The following COL19A1 variants were observed in gnomAD, a reference collection of about 807,000 sequenced individuals.
The protein encoded by COL19A1 is collagen alpha-1(XIX) chain.
Under a neutral mutation model 190.2 loss-of-function variants are expected in COL19A1, and 159 were observed. The ratio of observed to expected loss-of-function variants is 0.84; its 90% confidence interval spans 0.73 to 0.95. The LOEUF (loss-of-function observed/expected upper bound fraction) is 0.95. COL19A1 is among the 40% of genes least tolerant of loss of function. COL19A1 has a pLI of 0.00. For synonymous variants in COL19A1, 509 were observed against 458.9 expected (o/e 1.11, Z -1.39); for missense variants, 1,418 against 1,431.9 (o/e 0.99, Z 0.16).
chr6:70,134,450 A>C (rs1383148697), intron 18 of COL19A1, among the ~76,000 whole-genome samples: 6 of 152,224 alleles, frequency 3.9e-5, no homozygotes, highest in Admixed American at 6.5e-5. Context: ...AATTTGATGG[A>C]TATTGCTTCA....
intron 15 of COL19A1, among the ~76,000 whole-genome samples, chr6:70,069,090 T>C (rs1288183704): frequency 6.6e-6 from 1 of 152,084 alleles, no homozygotes. Context: ...CTGTTATTAT[T>C]ATCATTTTCA....
intron 15 of COL19A1, among the ~76,000 whole-genome samples, chr6:70,080,154 G>T (rs1218172913): frequency 2.0e-5 from 3 of 152,160 alleles, no homozygotes; most frequent in South Asian, 4.1e-4. Flanking sequence ...CATATAGAAA[G>T]AATTTTTTAG....
intron 14 of COL19A1, among the ~76,000 whole-genome samples, chr6:70,040,105 A>T (rs911145275): frequency 5.4e-4 from 82 of 152,010 alleles, no homozygotes; most frequent in African/African-American, 2.0e-3. Context: ...GTCCCTGTGG[A>T]TTCTTGTGCT....
At position 70,138,527 on chromosome 6, in the gene COL19A1, T is replaced by C. The variant is rs541314911; in HGVS notation, c.1446+780T>C. Among the ~76,000 whole-genome samples, 128 of 152,280 alleles carry C rather than the reference T, an allele frequency of 8.4e-4. 1 individual carries two copies. The highest frequency in any genetic ancestry group is 1.5e-3 in the Non-Finnish European group (101 of 68,012). The stretch of plus-strand genomic sequence containing the variant: ...GTTTAAAGAAAAGTAATACATCTTA[T>C]TAAACCACTCTACCCCTTTCTTTAC... On this transcript the variant is annotated intron_variant, in intron 19 of 50. Coordinates refer to ENST00000620364, the MANE Select transcript of COL19A1 (RefSeq NM_001858.6).
At chr6:70,106,878 G>A (rs77043406) in intron 16 of COL19A1, among the ~76,000 whole-genome samples, 4,813 of 152,282 alleles carry the variant, frequency 0.032, 141 homozygotes, top group Middle Eastern at 0.044. Context: ...TTTTCAGTAT[G>A]AGAGGGCTAA....
chr6:70,112,728 G>A (rs1447732535), intron 16 of COL19A1, among the ~76,000 whole-genome samples: 4 of 152,136 alleles, frequency 2.6e-5, no homozygotes, highest in Non-Finnish European at 5.9e-5. Context: ...TGCATTCACT[G>A]TCACAGTCTC....
intron 11 of COL19A1, among the ~76,000 whole-genome samples, chr6:69,984,975 A>G (rs1435606239): frequency 1.3e-5 from 2 of 152,202 alleles, no homozygotes; most frequent in Non-Finnish European, 2.9e-5. Context: ...TAAGAGCTGC[A>G]TTTAAGAACT....
chr6:70,002,423 A>G (rs1013737568), intron 11 of COL19A1, among the ~76,000 whole-genome samples: 10 of 151,350 alleles, frequency 6.6e-5, no homozygotes, highest in African/African-American at 2.4e-4. Context: ...CAGTTTCAGA[A>G]GGAATGGTAC....
At chr6:70,006,530 G>A (rs370605607) in intron 11 of COL19A1, among the ~76,000 whole-genome samples, 2 of 152,124 alleles carry the variant, frequency 1.3e-5, no homozygotes, top group South Asian at 2.1e-4. Flanking sequence ...GGATTCACAC[G>A]CTTATTATGG....
At chr6:69,951,357 A>T (rs960841753) in intron 9 of COL19A1, among the ~76,000 whole-genome samples, 6 of 151,940 alleles carry the variant, frequency 3.9e-5, no homozygotes, top group Non-Finnish European at 8.8e-5. Context: ...CTGGTATGTA[A>T]ATATTTGGTA....
At position 69,992,336 on chromosome 6, in the gene COL19A1, C is replaced by A. The variant is rs139482880; in HGVS notation, c.1026+29466C>A. Among the ~76,000 whole-genome samples, 404 of 152,162 alleles carry A rather than the reference C, an allele frequency of 2.7e-3. 8 individuals carry two copies. Among genetic ancestry groups the A allele is most frequent in the Admixed American group, 0.022 (341 of 15,258 alleles). On this transcript the variant is annotated intron_variant, in intron 11 of 50. Coordinates refer to ENST00000620364, the MANE Select transcript of COL19A1 (RefSeq NM_001858.6). ...GAAGTGTGATGCCTCCAACTTTGTTCTTTTTGCCTAGGATTGCTTTGGCTA... is the reference window on the plus strand; with the variant it reads ...GAAGTGTGATGCCTCCAACTTTGTTATTTTTGCCTAGGATTGCTTTGGCTA...
chr6:70,131,093 C>A, intron 18 of COL19A1: 1 of 457,908 alleles, frequency 2.2e-6, no homozygotes, highest in South Asian at 1.6e-5. Flanking sequence ...ATTCACTTCC[C>A]CATTCAATAA....
intron 16 of COL19A1, among the ~76,000 whole-genome samples, chr6:70,106,740 A>G (rs1783993146): frequency 1.3e-5 from 2 of 152,182 alleles, no homozygotes; most frequent in Admixed American, 1.3e-4. Flanking sequence ...CAAAGGAAAA[A>G]GCTCCCAAAG....
At chr6:69,949,817 G>T (rs1774021855) in intron 9 of COL19A1, among the ~76,000 whole-genome samples, 1 of 151,706 alleles carries the variant, frequency 6.6e-6, no homozygotes, top group South Asian at 2.1e-4. Context: ...CATAGAATCA[G>T]GAGTACTTAA....
intron 11 of COL19A1, among the ~76,000 whole-genome samples, chr6:69,970,415 C>T (rs1298781130): frequency 6.6e-6 from 1 of 152,086 alleles, no homozygotes; most frequent in Non-Finnish European, 1.5e-5. Context: ...CACAATATAT[C>T]AAATAATTAA....
At chr6:70,120,006 C>T (rs569007733) in intron 16 of COL19A1, among the ~76,000 whole-genome samples, 5 of 152,176 alleles carry the variant, frequency 3.3e-5, no homozygotes, top group Admixed American at 2.0e-4. Flanking sequence ...CACAAGAATC[C>T]CTTGAACCTG....
intron 17 of COL19A1, among the ~76,000 whole-genome samples, chr6:70,122,177 A>G (rs1170122731): frequency 6.6e-6 from 1 of 152,174 alleles, no homozygotes; most frequent in African/African-American, 2.4e-5. Context: ...AATTTTGTTC[A>G]AAGATTGTTA....
At chr6:70,169,134 T>C (rs1245098500) in intron 40 of COL19A1, among the ~76,000 whole-genome samples, 2 of 152,092 alleles carry the variant, frequency 1.3e-5, no homozygotes, top group Admixed American at 6.6e-5. Flanking sequence ...GCAGGAGATA[T>C]GTTTTGTCAT....
intron 20 of COL19A1, among the ~76,000 whole-genome samples, chr6:70,141,221 T>C (rs1211365356): frequency 6.6e-6 from 1 of 152,122 alleles, no homozygotes; most frequent in African/African-American, 2.4e-5. Flanking sequence ...AGTTTTCTAA[T>C]ACATTGTTTA....
Sources: gnomAD v4.1 joint callset for allele counts (sites outside exome capture counted in the v4.1 genomes callset) on GRCh38, gnomAD v4.1.1 for gene constraint, MANE v1.5 for transcripts, NCBI Gene and HGNC (gene_info 2026-07-23, HGNC 2026-07-21) for gene names.